CDH13: variants seen among roughly 807,000 people sequenced by gnomAD.
CDH13 encodes the protein cadherin 13, also known as cadherin-13.
A neutral mutation model predicts 63.8 loss-of-function variants in CDH13; 24 were observed. The observed-to-expected ratio is 0.38, with a 90% CI of 0.27 to 0.53. The LOEUF (loss-of-function observed/expected upper bound fraction) is 0.53, where lower values mean the gene tolerates loss of function less well. CDH13 is among the 20% of genes least tolerant of loss of function. The pLI is 0.85. For synonymous variants in CDH13, 503 were observed against 355.3 expected (o/e 1.42, Z -4.67); for missense variants, 1,049 against 903.1 (o/e 1.16, Z -2.07).
At chr16:83,545,700 C>G (rs1189853278) in intron 7 of CDH13, among the ~76,000 whole-genome samples, 1 of 152,182 alleles carries the variant, frequency 6.6e-6, no homozygotes, top group Non-Finnish European at 1.5e-5. Context: ...GTTCCTCTCC[C>G]TGCCGTATCT....
intron 3 of CDH13, among the ~76,000 whole-genome samples, chr16:83,084,464 C>T (rs2033452002): frequency 6.6e-6 from 1 of 152,226 alleles, no homozygotes. Context: ...AACCCATCAC[C>T]TGTCTCTCGA....
At chr16:83,122,680 T>C (rs1019897458) in intron 3 of CDH13, among the ~76,000 whole-genome samples, 4 of 152,344 alleles carry the variant, frequency 2.6e-5, no homozygotes, top group African/African-American at 9.6e-5. Context: ...TTGCTTTTTA[T>C]TTTTTATTTT....
chr16:82,702,315 C>T (rs1450005927), intron 1 of CDH13, among the ~76,000 whole-genome samples: 1 of 152,198 alleles, frequency 6.6e-6, no homozygotes, highest in African/African-American at 2.4e-5. Flanking sequence ...ATCTACACTT[C>T]CATCATGGTT....
At chr16:83,377,424 T>C (rs1436362960) in intron 6 of CDH13, among the ~76,000 whole-genome samples, 4 of 152,124 alleles carry the variant, frequency 2.6e-5, no homozygotes. Flanking sequence ...AAATTATAGA[T>C]TTAGGTTATA....
chr16:82,789,241 C>G lies in CDH13; in HGVS notation c.46-69121C>G, dbSNP rs8050902. ...TTGATCACAGAAACTAGAGAAGTCA[C>G]GAAGAGTAGGTGTTCCTCAGGTTAA... On this transcript the variant is annotated intron_variant, in intron 1 of 13. Coordinates refer to ENST00000567109, the MANE Select transcript of CDH13 (RefSeq NM_001257.5). 6.6e-5 allele frequency among the ~76,000 whole-genome samples: 10 copies of G among 152,186 alleles called. No homozygotes were observed. In the East Asian group the frequency reaches 7.7e-4, roughly 12 times the overall value.
chr16:82,951,986 C>T (rs1297938156), intron 2 of CDH13, among the ~76,000 whole-genome samples: 2 of 152,226 alleles, frequency 1.3e-5, no homozygotes, highest in Admixed American at 6.5e-5. Flanking sequence ...GTCGTCATCT[C>T]AACACATGTC....
intron 1 of CDH13, among the ~76,000 whole-genome samples, chr16:82,811,591 C>G (rs2037448141): frequency 6.6e-6 from 1 of 152,014 alleles, no homozygotes; most frequent in Admixed American, 6.6e-5. Flanking sequence ...GTGCATTTTT[C>G]CATTGAAAGA....
At chr16:83,719,495 C>G (rs1012152631) in intron 10 of CDH13, among the ~76,000 whole-genome samples, 1 of 152,170 alleles carries the variant, frequency 6.6e-6, no homozygotes, top group East Asian at 1.9e-4. Flanking sequence ...GTGTCATGGT[C>G]AAGCTCCAGG....
intron 2 of CDH13, among the ~76,000 whole-genome samples, chr16:83,016,310 G>T (rs115861636): frequency 7.4e-4 from 113 of 152,336 alleles, no homozygotes; most frequent in African/African-American, 2.6e-3. Context: ...GAACCAATCT[G>T]TAATCACAGC....
At chr16:83,650,923 A>G (rs1376633304) in intron 8 of CDH13, among the ~76,000 whole-genome samples, 3 of 150,872 alleles carry the variant, frequency 2.0e-5, no homozygotes, top group Non-Finnish European at 4.4e-5. Flanking sequence ...AATTTTAAAT[A>G]TATAAAATAT....
intron 5 of CDH13, among the ~76,000 whole-genome samples, chr16:83,327,076 T>C (rs2151899995): frequency 6.6e-6 from 1 of 152,342 alleles, no homozygotes; most frequent in African/African-American, 2.4e-5. Context: ...TATGAGTCTA[T>C]TTCCATGACT....
At chr16:83,337,282 C>A (rs774506683) in intron 5 of CDH13, among the ~76,000 whole-genome samples, 3 of 152,120 alleles carry the variant, frequency 2.0e-5, no homozygotes, top group Non-Finnish European at 4.4e-5. Context: ...TGCTGGGATG[C>A]CAGGAAGGGT....
At chr16:83,709,950 G>C (rs1440334969) in intron 10 of CDH13, among the ~76,000 whole-genome samples, 3 of 151,234 alleles carry the variant, frequency 2.0e-5, no homozygotes, top group African/African-American at 7.3e-5. Context: ...CATTCCTTCA[G>C]AGTCTTGGAT....
intron 3 of CDH13, among the ~76,000 whole-genome samples, chr16:83,070,903 A>T (rs2151541897): frequency 7.4e-6 from 1 of 135,578 alleles, no homozygotes; most frequent in Non-Finnish European, 1.6e-5. Context: ...GAGTTTATTT[A>T]TTGCTCATGA....
chr16:83,375,749 A>G (rs1042562932), intron 6 of CDH13, among the ~76,000 whole-genome samples: 7 of 152,174 alleles, frequency 4.6e-5, no homozygotes, highest in African/African-American at 1.2e-4. Context: ...CCCCTTCTGG[A>G]TAGCATGAGA....
intron 1 of CDH13, among the ~76,000 whole-genome samples, chr16:82,758,540 G>C (rs1003177022): frequency 2.6e-5 from 4 of 152,110 alleles, no homozygotes; most frequent in Non-Finnish European, 5.9e-5. Flanking sequence ...GAGCGGAGCT[G>C]TGCATTAGAC....
At chr16:83,365,557 A>G (rs927335327) in intron 6 of CDH13, among the ~76,000 whole-genome samples, 5 of 152,200 alleles carry the variant, frequency 3.3e-5, no homozygotes, top group African/African-American at 9.6e-5. Flanking sequence ...TTACTCCTGC[A>G]GTTATGTGGC....
At chr16:83,250,016 G>A (rs1480859431) in intron 5 of CDH13, among the ~76,000 whole-genome samples, 2 of 152,198 alleles carry the variant, frequency 1.3e-5, no homozygotes, top group African/African-American at 4.8e-5. Context: ...CAATAGGAGT[G>A]TAATGAGAGA....
intron 3 of CDH13, among the ~76,000 whole-genome samples, chr16:83,067,216 G>T (rs940103006): frequency 6.6e-6 from 1 of 152,134 alleles, no homozygotes; most frequent in Non-Finnish European, 1.5e-5. Flanking sequence ...GCAGCAGAAG[G>T]CAACTGACTG....
Sources: allele counts gnomAD v4.1 joint callset (sites outside exome capture counted in the v4.1 genomes callset), GRCh38; gene constraint gnomAD v4.1.1; transcripts MANE v1.5; gene names NCBI Gene and HGNC (gene_info 2026-07-23, HGNC 2026-07-21).